The following FRMD3 variants were observed in gnomAD, a reference collection of about 807,000 sequenced individuals.
FRMD3 encodes FERM domain-containing protein 3.
FRMD3 carries 33 observed loss-of-function variants against 70.2 expected under a neutral mutation model. The observed-to-expected ratio is 0.47, with a 90% confidence interval of 0.36 to 0.63. FRMD3 has a LOEUF of 0.63. FRMD3 is among the 20% of genes least tolerant of loss of function. The pLI, the probability that FRMD3 is intolerant of heterozygous loss-of-function variation, is 0.00. For synonymous variants in FRMD3, 279 were observed against 255.9 expected, an observed-to-expected ratio of 1.09 and a Z score of -0.86; for missense variants, 632 against 711.4, an observed-to-expected ratio of 0.89 and a Z score of 1.27.
intron 1 of FRMD3, among the ~76,000 whole-genome samples, chr9:83,446,933 T>C (rs2131406140): frequency 6.6e-6 from 1 of 152,296 alleles, no homozygotes; most frequent in South Asian, 2.1e-4. Flanking sequence ...TACACCTTCC[T>C]CCCACACCAC....
intron 1 of FRMD3, among the ~76,000 whole-genome samples, chr9:83,509,946 G>A (rs1188630259): frequency 6.6e-6 from 1 of 152,046 alleles, no homozygotes; most frequent in Non-Finnish European, 1.5e-5. Flanking sequence ...GACTTAGATT[G>A]TAAATATAAC....
At chr9:83,436,893 A>G (rs1827152462) in intron 1 of FRMD3, among the ~76,000 whole-genome samples, 1 of 152,122 alleles carries the variant, frequency 6.6e-6, no homozygotes. Flanking sequence ...CCCTGGAAAG[A>G]AAGAGGTGAG....
chr9:83,319,891 A>G (rs895565798), intron 6 of FRMD3, among the ~76,000 whole-genome samples: 2 of 152,192 alleles, frequency 1.3e-5, no homozygotes, highest in African/African-American at 2.4e-5. Flanking sequence ...AGAACTGTAA[A>G]TCAAATAAAC....
chr9:83,527,981 C>T lies in FRMD3; in HGVS notation c.147+10104G>A, dbSNP rs76000619. On this transcript the variant is annotated intron_variant, in intron 1 of 13. Transcript: ENST00000304195. Reference sequence around the variant, plus strand: ...GCCATGTGAATCTCAGATTCTTATGCGATAAATTCTGATATTTCCATTCCT... The same window carrying T: ...GCCATGTGAATCTCAGATTCTTATGTGATAAATTCTGATATTTCCATTCCT... Among the ~76,000 whole-genome samples the T allele has an allele frequency of 6.2e-3, 951 of 152,186 alleles. 5 individuals are homozygous for T. The highest frequency in any genetic ancestry group is 0.017 in the Middle Eastern group (5 of 294).
intron 13 of FRMD3, among the ~76,000 whole-genome samples, chr9:83,255,744 G>C (rs151192089): frequency 5.1e-4 from 78 of 152,120 alleles, no homozygotes; most frequent in African/African-American, 1.9e-3. Flanking sequence ...GGCAAGCAGA[G>C]AACCAAATCG....
chr9:83,256,740 G>C (rs989879944), intron 13 of FRMD3, among the ~76,000 whole-genome samples: 2 of 151,876 alleles, frequency 1.3e-5, no homozygotes, highest in African/African-American at 4.8e-5. Flanking sequence ...ACATGCATGT[G>C]GCCAACAAAC....
chr9:83,267,633 T>C (rs1833330616), intron 13 of FRMD3, among the ~76,000 whole-genome samples: 1 of 152,148 alleles, frequency 6.6e-6, no homozygotes, highest in Admixed American at 6.5e-5. Flanking sequence ...AAAAGCAAAA[T>C]AAATGTATTA....
chr9:83,529,513 G>T (rs543657585), intron 1 of FRMD3, among the ~76,000 whole-genome samples: 1 of 152,240 alleles, frequency 6.6e-6, no homozygotes, highest in East Asian at 1.9e-4. Flanking sequence ...TTTTAAAAAT[G>T]GATCAAAGTC....
At chr9:83,434,217 T>A (rs1362427918) in intron 1 of FRMD3, among the ~76,000 whole-genome samples, 7 of 152,202 alleles carry the variant, frequency 4.6e-5, no homozygotes, top group African/African-American at 1.7e-4. Flanking sequence ...GGACTCTCAG[T>A]CCTCTGAGCC....
At chr9:83,509,071 A>G (rs953453246) in intron 1 of FRMD3, among the ~76,000 whole-genome samples, 9 of 72,756 alleles carry the variant, frequency 1.2e-4, no homozygotes, top group African/African-American at 7.0e-4. Context: ...AGACATACTT[A>G]ATATTTTACT....
chr9:83,581,226 G>A, the FRMD3 span, among the ~76,000 whole-genome samples: 13 of 152,098 alleles, frequency 8.5e-5, no homozygotes, highest in South Asian at 8.3e-4. Flanking sequence ...ATTACACCCC[G>A]TTAAGGAAAT....
chr9:83,250,514 C>T (rs1287346815), intron 13 of FRMD3, among the ~76,000 whole-genome samples: 1 of 152,204 alleles, frequency 6.6e-6, no homozygotes, highest in East Asian at 1.9e-4. Flanking sequence ...TCTGTGGGCC[C>T]CACTTCCATG....
intron 6 of FRMD3, among the ~76,000 whole-genome samples, 163 bp from the exon 7 acceptor site, chr9:83,313,910 C>T (rs1835461737): frequency 1.3e-5 from 2 of 152,182 alleles, no homozygotes; most frequent in South Asian, 4.1e-4. Flanking sequence ...CACAAGGAGT[C>T]CTTTACTAAG....
In FRMD3 at chr9:83,299,118, C is replaced by T. The variant is rs1435490016; in HGVS notation, c.995G>A (p.Arg332Gln). The T allele has an allele frequency of 1.2e-6, 2 of 1,607,244 alleles. No individual in the cohort carries two copies. The change falls in exon 11 of 14, where the codon CGA becomes CAA. Residue 332 changes from arginine to glutamine, a missense_variant. Transcript: ENST00000304195. ...SKIFFKGSRF[R>Q]YSGKVAKEVV... is the part of the protein sequence containing the mutation. ...TGGAACCATTGGTACCCACCTATAT[C>T]GAAATCTACTTCCTTTAAAAAATAT...
chr9:83,300,078 A>G (rs906660555), intron 10 of FRMD3, among the ~76,000 whole-genome samples: 12 of 152,234 alleles, frequency 7.9e-5, no homozygotes, highest in Admixed American at 5.2e-4. Context: ...GACAAAATCA[A>G]TATGATCTGT....
intron 1 of FRMD3, among the ~76,000 whole-genome samples, chr9:83,436,341 C>T (rs555971964): frequency 4.1e-4 from 63 of 152,144 alleles, no homozygotes; most frequent in Non-Finnish European, 7.6e-4. Flanking sequence ...ACTGTCTGCA[C>T]GACAGGCTTT....
intron 11 of FRMD3, 114 bp from the exon 12 acceptor site, chr9:83,298,930 A>C: frequency 9.0e-7 from 1 of 1,115,992 alleles, no homozygotes; most frequent in Non-Finnish European, 1.4e-6. Context: ...TATAGAAATC[A>C]TGAGGGGGAA....
intron 3 of FRMD3, among the ~76,000 whole-genome samples, chr9:83,357,241 ACATACATATATATATATATATAT>A (rs1824399069): frequency 0.012 from 84 of 7,070 alleles, 9 homozygotes; most frequent in Admixed American, 0.084. Context: ...TATATATAAT[ACATACATATATATATATATATAT>A]ATATATATAT....
At chr9:83,376,118 C>T (rs1381838569) in intron 2 of FRMD3, among the ~76,000 whole-genome samples, 2 of 150,192 alleles carry the variant, frequency 1.3e-5, no homozygotes, top group Non-Finnish European at 3.0e-5. Flanking sequence ...CAAGATGGCG[C>T]CATTGCACTC....
Sources: allele counts gnomAD v4.1 joint callset (sites outside exome capture counted in the v4.1 genomes callset), GRCh38; gene constraint gnomAD v4.1.1; transcripts MANE v1.5; gene names NCBI Gene and HGNC (gene_info 2026-07-23, HGNC 2026-07-21).